Variants in CHD9 observed in about 807,000 individuals in gnomAD.
CHD9 encodes ATP-dependent chromatin remodeler CHD9.
In CHD9, 77 loss-of-function variants were observed where a neutral mutation model predicts 316.1. The ratio of observed to expected loss-of-function variants is 0.24; its 90% CI spans 0.20 to 0.29. The LOEUF (loss-of-function observed/expected upper bound fraction) is 0.29, where lower values mean the gene tolerates loss of function less well. Among genes scored for constraint, CHD9 ranks in the 10% least tolerant of loss-of-function variants. The probability of loss-of-function intolerance (pLI) is 1.00; values close to 1 mark genes in which losing one functional copy is unlikely to be tolerated. For missense variants in CHD9, 2,763 were observed against 3,438.1 expected (o/e 0.80, Z 4.91); for synonymous variants, 1,129 against 1,158.3 (o/e 0.97, Z 0.51).
chr16:53,262,370 T>TA (rs915851129), intron 19 of CHD9, among the ~76,000 whole-genome samples: 11 of 152,290 alleles, frequency 7.2e-5, no homozygotes, highest in African/African-American at 2.6e-4. Context: ...CCACAGTATT[T>TA]ACGAAAATAA....
rs1244090073 is a variant in CHD9, at chr16:53,303,810, G to A, written c.5804G>A (p.Arg1935Gln). The A allele has an allele frequency of 6.2e-7, 1 of 1,613,952 alleles. No homozygotes were observed. The highest frequency in any genetic ancestry group is 1.1e-5 in the South Asian group (1 of 91,078). Residue 1935 changes from arginine to glutamine, a missense_variant, in exon 31 of 39, where the codon CGG (arginine) becomes CAG (glutamine). Arg to Gln is a conservative substitution (Grantham distance 43). This residue lies in a region of CHD9 where 663 missense variants were observed against 751.2 expected (regional missense o/e 0.88). Transcript: ENST00000447540. ...CGCATTGAACTTCTAAGGAAAGTACGGGAACAGGCCCTTCGACATCCACAG... is the reference window on the plus strand; with the variant it reads ...CGCATTGAACTTCTAAGGAAAGTACAGGAACAGGCCCTTCGACATCCACAG... ...LYRIELLRKVREQALRHPQLF... is the reference protein window; with the variant it reads ...LYRIELLRKVQEQALRHPQLF...
At chr16:53,319,542 A>C (rs942071709) in intron 37 of CHD9, among the ~76,000 whole-genome samples, 2 of 152,176 alleles carry the variant, frequency 1.3e-5, no homozygotes, top group Non-Finnish European at 2.9e-5. Context: ...ACAAGGTGAC[A>C]TTTCAGTAGC....
chr16:53,084,776 A>G (rs561644728), intron 1 of CHD9, among the ~76,000 whole-genome samples: 177 of 152,276 alleles, frequency 1.2e-3, no homozygotes, highest in Non-Finnish European at 1.9e-3. Context: ...TCACAATCAC[A>G]GAAGCCGGAA....
chr16:53,172,969 A>G lies in CHD9; in HGVS notation c.1452+15428A>G, dbSNP rs2042874815. ...GGTTGCCTTTTTTTTTCTTAACAGC[A>G]TGTTTTGAAGGGCAAAAGTTGTTAA... On this transcript the variant is annotated intron_variant, in intron 2 of 38. Coordinates refer to ENST00000447540, the MANE Select transcript of CHD9 (RefSeq NM_001308319.2). Among the ~76,000 whole-genome samples the G allele has an allele frequency of 4.0e-5, 6 of 151,572 alleles. No individual in the cohort carries two copies. In the South Asian group the frequency reaches 1.2e-3, roughly 31 times the overall value.
intron 28 of CHD9, 108 bp from the exon 29 acceptor site, chr16:53,292,725 T>C: frequency 1.3e-6 from 1 of 799,304 alleles, no homozygotes; most frequent in Non-Finnish European, 2.0e-6. Flanking sequence ...ATATGTTTTT[T>C]TTTCCCCACA....
intron 1 of CHD9, among the ~76,000 whole-genome samples, chr16:53,126,668 T>C (rs2038981711): frequency 6.6e-6 from 1 of 151,408 alleles, no homozygotes; most frequent in Non-Finnish European, 1.5e-5. Context: ...ATTCATTCTT[T>C]CTTTCGTTCT....
chr16:53,305,404 C>T (rs2055870570), intron 31 of CHD9, among the ~76,000 whole-genome samples: 1 of 152,146 alleles, frequency 6.6e-6, no homozygotes, highest in South Asian at 2.1e-4. Context: ...TAGGAAAGCA[C>T]TATTGGGAAG....
intron 1 of CHD9, among the ~76,000 whole-genome samples, chr16:53,139,049 A>G (rs2039912874): frequency 6.6e-6 from 1 of 151,700 alleles, no homozygotes; most frequent in African/African-American, 2.4e-5. Flanking sequence ...TTTTTTTTTG[A>G]GGTAAAGGAT....
At chr16:53,319,323 G>A (rs2057105729) in intron 37 of CHD9, among the ~76,000 whole-genome samples, 1 of 152,126 alleles carries the variant, frequency 6.6e-6, no homozygotes, top group Non-Finnish European at 1.5e-5. Flanking sequence ...TGCACTCACT[G>A]CTAGGATAAA....
intron 1 of CHD9, among the ~76,000 whole-genome samples, chr16:53,103,680 T>C (rs189348257): frequency 1.3e-3 from 198 of 152,344 alleles, no homozygotes; most frequent in African/African-American, 4.5e-3. Context: ...ATCCTAAAGA[T>C]CACATTTGCT....
intron 3 of CHD9, among the ~76,000 whole-genome samples, chr16:53,214,249 T>A (rs565883000): frequency 6.6e-6 from 1 of 152,134 alleles, no homozygotes; most frequent in African/African-American, 2.4e-5. Flanking sequence ...TCTATAAAAA[T>A]CTAAAGGAAA....
At chr16:53,058,161 C>G (rs1301154993) in intron 1 of CHD9, among the ~76,000 whole-genome samples, 4 of 152,136 alleles carry the variant, frequency 2.6e-5, no homozygotes, top group Non-Finnish European at 5.9e-5. Flanking sequence ...CACTCTGTCT[C>G]CCAGGCTGGA....
intron 20 of CHD9, among the ~76,000 whole-genome samples, chr16:53,265,457 A>G (rs1278455360): frequency 2.0e-5 from 3 of 152,108 alleles, no homozygotes; most frequent in Non-Finnish European, 4.4e-5. Flanking sequence ...TAATAGTTTA[A>G]AAAGTATGGT....
At position 53,304,561 on chromosome 16, in the gene CHD9, C is replaced by A; in HGVS notation, c.6555C>A (p.Ser2185=). 1 of 1,545,198 alleles carries A rather than the reference C, an allele frequency of 6.5e-7. No individual in the cohort carries two copies. The change falls in exon 31 of 39, where the codon TCC becomes TCA. Residue 2185 remains serine (S), a synonymous_variant. Transcript: ENST00000447540. ...SSSSSSSTSS[S]SSSSSSSSEE... ...CATCCTCTTCCTCCACCTCTTCCTC[C>A]TCCTCCTCCTCTTCATCTTCATCAG...
chr16:53,227,520 G>C, intron 6 of CHD9, 28 bp from the exon 7 acceptor site: 3 of 1,477,970 alleles, frequency 2.0e-6, no homozygotes, highest in Non-Finnish European at 2.7e-6. Flanking sequence ...GTTTAAAAGA[G>C]TCACCATTAC....
At chr16:53,244,625 C>T (rs2049407970) in intron 13 of CHD9, among the ~76,000 whole-genome samples, 1 of 152,088 alleles carries the variant, frequency 6.6e-6, no homozygotes, top group Non-Finnish European at 1.5e-5. Flanking sequence ...ATACAAATTA[C>T]CATACCAAGA....
chr16:53,169,439 C>T (rs2042520005), intron 2 of CHD9: 1 of 152,112 alleles, frequency 6.6e-6, no homozygotes, highest in African/African-American at 2.4e-5. Context: ...TCAGCTTAAA[C>T]AATATCAGAA....
intron 2 of CHD9, among the ~76,000 whole-genome samples, chr16:53,175,665 A>G (rs1433856948): frequency 2.6e-5 from 4 of 152,220 alleles, no homozygotes; most frequent in African/African-American, 7.2e-5. Flanking sequence ...AACCATGATT[A>G]GATTCCTGGA....
Position 53,145,156 on chromosome 16 carries a change from CT to C in CHD9, c.-164-10758del, listed in dbSNP as rs959960793. ...GTGGCTTACTCTTGTAATCCCAGCACTTTTTTTTTTTTGAGACAGACTTTAG... is the reference window on the plus strand; with the variant it reads ...GTGGCTTACTCTTGTAATCCCAGCACTTTTTTTTTTTGAGACAGACTTTAG... On this transcript the variant is annotated intron_variant, in intron 1 of 38. Transcript: ENST00000447540. Among the ~76,000 whole-genome samples the C allele has an allele frequency of 8.6e-3, 1,237 of 144,204 alleles. 4 individuals carry two copies. The highest frequency in any genetic ancestry group is 0.012 in the Non-Finnish European group (783 of 65,168). 94.6% of individuals were successfully genotyped at this position (144,204 alleles called of 152,430 possible).
Sources: allele counts gnomAD v4.1 joint callset (sites outside exome capture counted in the v4.1 genomes callset), GRCh38; gene constraint gnomAD v4.1.1; regional missense constraint gnomAD v4.1.1; transcripts MANE v1.5; gene names NCBI Gene and HGNC (gene_info 2026-07-23, HGNC 2026-07-21).